Variants in CDH2 observed in about 807,000 individuals in gnomAD.
CDH2 encodes cadherin 2.
Under a neutral mutation model 92.0 loss-of-function variants are expected in CDH2, and 17 were observed. The observed-to-expected ratio is 0.18, with a 90% confidence interval of 0.13 to 0.28. CDH2 has a LOEUF of 0.28. Ranked by LOEUF, CDH2 falls within the 10% of genes least tolerant of loss-of-function variation. CDH2 has a pLI of 1.00. For synonymous variants in CDH2, 419 were observed against 415.9 expected (o/e 1.01, Z -0.09); for missense variants, 862 against 1,133.1 (o/e 0.76, Z 3.44).
chr18:28,103,646 C>A (rs182978619), intron 2 of CDH2, among the ~76,000 whole-genome samples: 1 of 151,864 alleles, frequency 6.6e-6, no homozygotes, highest in South Asian at 2.1e-4. Flanking sequence ...TGCTATCCAT[C>A]CCCCTAGCCC....
chr18:28,142,980 GTTATC>G (rs2144318795), intron 2 of CDH2, among the ~76,000 whole-genome samples: 1 of 152,066 alleles, frequency 6.6e-6, no homozygotes, highest in African/African-American at 2.4e-5. Flanking sequence ...CTTCAGTTCT[GTTATC>G]TTAAGATACC....
chr18:28,019,707 A>G (rs1471062564), intron 2 of CDH2, among the ~76,000 whole-genome samples: 2 of 152,148 alleles, frequency 1.3e-5, no homozygotes, highest in East Asian at 3.9e-4. Flanking sequence ...CCTATGACCA[A>G]TATGAATTGG....
In CDH2 at chr18:28,009,743, C is replaced by T; in HGVS notation, c.676G>A (p.Asp226Asn). The T allele has an allele frequency of 1.2e-6, 2 of 1,613,904 alleles. No homozygotes were observed. The highest frequency in any genetic ancestry group is 8.5e-7 in the Non-Finnish European group (1 of 1,179,960). ...TGAAACCGGGCTATCTGCTCGCGAT[C>T]CAGGGGCTTTGTCACCGACAGCTGA... ...SGQLSVTKPLDREQIARFHLR... is the reference protein window; with the variant it reads ...SGQLSVTKPLNREQIARFHLR... The change falls in exon 5 of 16, where the codon GAT becomes AAT. Residue 226 changes from aspartate to asparagine, a missense_variant. By Grantham distance (23) the Asp-to-Asn change is conservative. Transcript: ENST00000269141.
intron 2 of CDH2, among the ~76,000 whole-genome samples, chr18:28,093,072 C>T (rs959579904): frequency 2.6e-5 from 4 of 151,956 alleles, no homozygotes; most frequent in Non-Finnish European, 4.4e-5. Context: ...TAAGTCATCA[C>T]GATCTAGTAG....
intron 2 of CDH2, among the ~76,000 whole-genome samples, chr18:28,093,876 T>C (rs938227449): frequency 1.3e-5 from 2 of 152,152 alleles, no homozygotes; most frequent in Non-Finnish European, 2.9e-5. Flanking sequence ...AATATCACAG[T>C]TCTCAGCTCC....
chr18:28,017,419 T>G (rs953509970), intron 2 of CDH2, among the ~76,000 whole-genome samples: 2 of 152,176 alleles, frequency 1.3e-5, no homozygotes, highest in African/African-American at 4.8e-5. Flanking sequence ...CATAGTAGTC[T>G]TGAATGATCT....
chr18:28,158,644 T>C (rs1316907305), intron 1 of CDH2, among the ~76,000 whole-genome samples: 2 of 152,172 alleles, frequency 1.3e-5, no homozygotes, highest in African/African-American at 2.4e-5. Flanking sequence ...TCCTAGGAGT[T>C]CCCACGACCC....
chr18:28,083,282 ACAAATAGC>A (rs1308219352), intron 2 of CDH2, among the ~76,000 whole-genome samples: 1 of 152,168 alleles, frequency 6.6e-6, no homozygotes, highest in African/African-American at 2.4e-5. Context: ...ATACTAATAG[ACAAATAGC>A]CAAAAATCAC....
chr18:28,007,996 A>T (rs987430252), intron 5 of CDH2, among the ~76,000 whole-genome samples: 14 of 152,142 alleles, frequency 9.2e-5, no homozygotes, highest in African/African-American at 3.4e-4. Context: ...GGCCTCCCAA[A>T]TTGCTAGGAT....
intron 2 of CDH2, among the ~76,000 whole-genome samples, chr18:28,058,379 AGTTCT>A (rs1250821542): frequency 1.3e-5 from 2 of 152,260 alleles, no homozygotes; most frequent in Non-Finnish European, 1.5e-5. Flanking sequence ...GGGACCATAG[AGTTCT>A]TCTCCCCGTA....
chr18:27,975,754 T>C (rs2011805988), intron 14 of CDH2, among the ~76,000 whole-genome samples: 2 of 152,064 alleles, frequency 1.3e-5, no homozygotes. Context: ...ACTTGGTGGG[T>C]CTTGAATTCT....
At chr18:28,055,485 T>C (rs1599066356) in intron 2 of CDH2, among the ~76,000 whole-genome samples, 1 of 152,122 alleles carries the variant, frequency 6.6e-6, no homozygotes. Flanking sequence ...GAAAGAGTGA[T>C]AGTGTAAAGG....
chr18:28,011,035 T>C (rs1415566496), intron 4 of CDH2, among the ~76,000 whole-genome samples: 1 of 151,880 alleles, frequency 6.6e-6, no homozygotes, highest in African/African-American at 2.4e-5. Context: ...GTTACATTCT[T>C]TGTTAAAGTG....
intron 7 of CDH2, among the ~76,000 whole-genome samples, chr18:28,002,580 A>G (rs2012800230): frequency 6.6e-6 from 1 of 152,342 alleles, no homozygotes; most frequent in African/African-American, 2.4e-5. Flanking sequence ...AAGGGCTACA[A>G]AAAACCAAAT....
intron 2 of CDH2, among the ~76,000 whole-genome samples, chr18:28,043,170 C>T (rs1235329462): frequency 6.6e-6 from 1 of 151,894 alleles, no homozygotes; most frequent in Non-Finnish European, 1.5e-5. Context: ...GAGCTGGAGG[C>T]CATTATTCTA....
chr18:28,017,928 G>C (rs2013298259), intron 2 of CDH2, among the ~76,000 whole-genome samples: 1 of 152,046 alleles, frequency 6.6e-6, no homozygotes, highest in Non-Finnish European at 1.5e-5. Flanking sequence ...AATCAGACAA[G>C]AGAAAGAAAT....
At chr18:28,156,638 G>A (rs4068905) in intron 1 of CDH2, among the ~76,000 whole-genome samples, 221 of 7,708 alleles carry the variant, frequency 0.029, 2 homozygotes, top group Middle Eastern at 0.11. Flanking sequence ...CTTCCCAGGT[G>A]CAGCATGTCA....
chr18:28,087,836 C>T (rs968214296), intron 2 of CDH2, among the ~76,000 whole-genome samples: 6 of 150,880 alleles, frequency 4.0e-5, no homozygotes, highest in Admixed American at 2.0e-4. Context: ...AAAAATAAGG[C>T]TGACCAAACT....
At chr18:28,167,094 T>A (rs17495341) in intron 1 of CDH2, among the ~76,000 whole-genome samples, 2 of 151,942 alleles carry the variant, frequency 1.3e-5, no homozygotes, top group Admixed American at 6.6e-5. Context: ...TCAGAGAAGG[T>A]ATTAAGAAGC....
Sources: gnomAD v4.1 joint callset for allele counts (sites outside exome capture counted in the v4.1 genomes callset) on GRCh38, gnomAD v4.1.1 for gene constraint, MANE v1.5 for transcripts, NCBI Gene and HGNC (gene_info 2026-07-23, HGNC 2026-07-21) for gene names.